The following SLC12A8 variants were observed in gnomAD, a reference collection of about 807,000 sequenced individuals.
SLC12A8 encodes the protein solute carrier family 12 member 8, also known as cation-chloride cotransporter 9.
SLC12A8 carries 69 observed loss-of-function variants against 75.6 expected under a neutral mutation model. The ratio of observed to expected loss-of-function variants is 0.91; its 90% CI spans 0.75 to 1.11. The LOEUF (loss-of-function observed/expected upper bound fraction) is 1.11, where lower values mean the gene tolerates loss of function less well. Ranked by LOEUF, SLC12A8 falls within the 50% of genes most tolerant of loss-of-function variation. The probability of loss-of-function intolerance (pLI) is 0.00; values close to 1 mark genes in which losing one functional copy is unlikely to be tolerated. For synonymous variants in SLC12A8, 365 were observed against 372.8 expected (o/e 0.98, Z 0.24); for missense variants, 877 against 896.7 (o/e 0.98, Z 0.28).
intron 5 of SLC12A8, among the ~76,000 whole-genome samples, chr3:125,147,859 T>C (rs1274686058): frequency 6.6e-6 from 1 of 152,094 alleles, no homozygotes; most frequent in Non-Finnish European, 1.5e-5. Context: ...TGCCTTAGAG[T>C]ATAACCCAGG....
intron 5 of SLC12A8, among the ~76,000 whole-genome samples, chr3:125,149,259 C>T (rs1933862214): frequency 6.6e-6 from 1 of 152,252 alleles, no homozygotes; most frequent in Non-Finnish European, 1.5e-5. Flanking sequence ...GTCCCACGGC[C>T]TCTTCAGCCC....
intron 12 of SLC12A8, 87 bp from the exon 13 acceptor site, chr3:125,088,457 C>T (rs1938515164): frequency 3.0e-6 from 3 of 1,001,388 alleles, no homozygotes; most frequent in Non-Finnish European, 3.2e-6. Context: ...AATGCAAACC[C>T]CAATACACAC....
chr3:125,147,151 G>A (rs78498768), intron 5 of SLC12A8, among the ~76,000 whole-genome samples: 2,134 of 152,324 alleles, frequency 0.014, 52 homozygotes, highest in African/African-American at 0.048. Context: ...AATCAAGGGC[G>A]CTGTTGTCCT....
intron 8 of SLC12A8, among the ~76,000 whole-genome samples, chr3:125,113,895 C>T (rs1239617494): frequency 6.6e-6 from 1 of 152,174 alleles, no homozygotes; most frequent in Non-Finnish European, 1.5e-5. Flanking sequence ...CATTCATTGG[C>T]TGCTCTCTTC....
At chr3:125,125,671 G>A (rs1046657198) in intron 6 of SLC12A8, among the ~76,000 whole-genome samples, 5 of 152,190 alleles carry the variant, frequency 3.3e-5, no homozygotes, top group African/African-American at 1.2e-4. Context: ...TGAGGCAACG[G>A]AGGCCCAAAG....
intron 10 of SLC12A8, among the ~76,000 whole-genome samples, chr3:125,096,947 A>G (rs1328473488): frequency 6.6e-6 from 1 of 152,224 alleles, no homozygotes; most frequent in East Asian, 1.9e-4. Context: ...AAAACCTTCT[A>G]TGTCTATTCA....
intron 9 of SLC12A8, 109 bp from the exon 10 acceptor site, chr3:125,108,235 TCCC>T: frequency 9.4e-7 from 1 of 1,068,012 alleles, no homozygotes; most frequent in Non-Finnish European, 1.3e-6. Context: ...CAGCCACTTC[TCCC>T]CATGTGATTA....
Position 125,177,928 on chromosome 3 carries a change from G to A in SLC12A8, c.437C>T (p.Ser146Leu), listed in dbSNP as rs1411139391. 1 of 1,613,994 alleles carries A rather than the reference G, an allele frequency of 6.2e-7. No homozygotes were observed. Residue 146 changes from serine (S) to leucine (L), a missense_variant, in exon 5 of 14, where the codon TCG (serine) becomes TTG (leucine). Transcript: ENST00000469902. The part of the protein sequence containing the change: ...MYITGFAESI[S>L]DLLGLGNIWA... The stretch of plus-strand genomic sequence containing the variant: ...GATATTCCCGAGGCCCAGCAAATCC[G>A]AGATGGATTCAGCAAAGCCGGTGAT...
intron 6 of SLC12A8, among the ~76,000 whole-genome samples, chr3:125,122,178 T>A (rs1933076760): frequency 6.6e-6 from 1 of 152,208 alleles, no homozygotes; most frequent in African/African-American, 2.4e-5. Context: ...CATGGTATGA[T>A]CCCATTATTA....
At chr3:125,174,327 CT>C (rs1418355272) in intron 5 of SLC12A8, among the ~76,000 whole-genome samples, 1 of 152,102 alleles carries the variant, frequency 6.6e-6, no homozygotes, top group East Asian at 1.9e-4. Flanking sequence ...AACAAAAAAA[CT>C]GACAATACCA....
intron 6 of SLC12A8, among the ~76,000 whole-genome samples, chr3:125,134,369 CA>C (rs1465285164): frequency 6.6e-6 from 1 of 152,144 alleles, no homozygotes; most frequent in Non-Finnish European, 1.5e-5. Flanking sequence ...CTTGGCCTCC[CA>C]AAGTGCTAGG....
intron 5 of SLC12A8, among the ~76,000 whole-genome samples, chr3:125,163,423 C>T (rs816328): frequency 0.69 from 104,684 of 150,702 alleles, 37,642 homozygotes; most frequent in East Asian, 0.77. Context: ...CTGACTAACA[C>T]GGTGAAACCC....
At chr3:125,150,047 C>T (rs6786220) in intron 5 of SLC12A8, among the ~76,000 whole-genome samples, 30,727 of 152,060 alleles carry the variant, frequency 0.2, 3,866 homozygotes, top group African/African-American at 0.35. Flanking sequence ...GAACCCTGTC[C>T]TAGAAAAATA....
chr3:125,208,704 T>A (rs189193373), intron 2 of SLC12A8, among the ~76,000 whole-genome samples: 164 of 148,490 alleles, frequency 1.1e-3, no homozygotes, highest in African/African-American at 3.7e-3. Flanking sequence ...AACACTCAGA[T>A]CTACAGCTCC....
At chr3:125,150,938 T>TC (rs1358735656) in intron 5 of SLC12A8, among the ~76,000 whole-genome samples, 3 of 152,090 alleles carry the variant, frequency 2.0e-5, no homozygotes, top group African/African-American at 7.2e-5. Flanking sequence ...CAATCCAGAT[T>TC]CCCGGGCCTC....
At chr3:125,185,252 G>A (rs1238394615) in intron 4 of SLC12A8, among the ~76,000 whole-genome samples, 1 of 151,980 alleles carries the variant, frequency 6.6e-6, no homozygotes, top group Non-Finnish European at 1.5e-5. Context: ...CCCAGGAGGT[G>A]GAGATTGTGG....
intron 10 of SLC12A8, among the ~76,000 whole-genome samples, chr3:125,106,407 G>C (rs951175870): frequency 1.3e-5 from 2 of 151,892 alleles, no homozygotes; most frequent in East Asian, 3.9e-4. Context: ...CTGTCACCCA[G>C]GCTGGAGTGC....
At chr3:125,144,568 AGGATAACG>A (rs2107767048) in intron 5 of SLC12A8, among the ~76,000 whole-genome samples, 1 of 152,300 alleles carries the variant, frequency 6.6e-6, no homozygotes, top group African/African-American at 2.4e-5. Context: ...CCCTCCTGCC[AGGATAACG>A]GGCTGTTTTA....
chr3:125,098,046 T>G (rs1437102299), intron 10 of SLC12A8, among the ~76,000 whole-genome samples: 1 of 152,214 alleles, frequency 6.6e-6, no homozygotes, highest in African/African-American at 2.4e-5. Flanking sequence ...ATAAACACTT[T>G]AAGCATAAAG....
Sources: gnomAD v4.1 joint callset for allele counts (sites outside exome capture counted in the v4.1 genomes callset) on GRCh38, gnomAD v4.1.1 for gene constraint, MANE v1.5 for transcripts, NCBI Gene and HGNC (gene_info 2026-07-23, HGNC 2026-07-21) for gene names.